The following KIAA0586 variants were observed in gnomAD, a reference collection of about 807,000 sequenced individuals.
KIAA0586 encodes protein TALPID3.
KIAA0586 carries 144 observed loss-of-function variants against 169.8 expected under a neutral mutation model. The ratio of observed to expected loss-of-function variants is 0.85; its 90% CI spans 0.74 to 0.97. The LOEUF (loss-of-function observed/expected upper bound fraction) is 0.97. Among genes scored for constraint, KIAA0586 ranks in the 50% least tolerant of loss-of-function variants. The pLI is 0.00. For missense variants in KIAA0586, 1,854 were observed against 1,823.0 expected (o/e 1.02, Z -0.31); for synonymous variants, 625 against 612.4 (o/e 1.02, Z -0.30).
chr14:58,536,931 C>A (rs2140068039), intron 29 of KIAA0586: 1 of 803,102 alleles, frequency 1.2e-6, no homozygotes, highest in Non-Finnish European at 1.7e-6. Flanking sequence ...GTTAATAGAA[C>A]TTTATAGATC....
chr14:58,545,024 C>T (rs917927339), intron 30 of KIAA0586, among the ~76,000 whole-genome samples: 1 of 152,228 alleles, frequency 6.6e-6, no homozygotes, highest in Non-Finnish European at 1.5e-5. Context: ...TTTATCTCCT[C>T]TACTAGGTGA....
rs538457735 is a variant in KIAA0586 at position 58,439,439 on chromosome 14, A to G, written c.411-3267A>G. Among the ~76,000 whole-genome samples, 4 of 152,176 alleles carry G rather than the reference A, an allele frequency of 2.6e-5. No individual in the cohort carries two copies. In the South Asian group the frequency reaches 8.3e-4, roughly 32 times the overall value. ...CCTGACCTCGTGATCCGCCCGCCTC[A>G]GCCTCCCAAAGTGCTGGGATTACAG... On this transcript the variant is annotated intron_variant, in intron 4 of 30. Coordinates refer to ENST00000652326, the MANE Select transcript of KIAA0586 (RefSeq NM_001329943.3).
chr14:58,455,928 T>C lies in KIAA0586; in HGVS notation c.1254-774T>C, dbSNP rs1595170195. On this transcript the variant is annotated intron_variant, in intron 9 of 30. Transcript: ENST00000652326. ...ATGTTGGAGCTTTTCAAAACTCCAC[T>C]TTGGACATTTCATTGCCTAGATTTT... 2.0e-5 allele frequency among the ~76,000 whole-genome samples: 3 copies of C among 152,312 alleles called. No homozygotes were observed. In the South Asian group the frequency reaches 6.2e-4, roughly 32 times the overall value.
At chr14:58,557,814 G>A in the KIAA0586 span, among the ~76,000 whole-genome samples, 3 of 150,276 alleles carry the variant, frequency 2.0e-5, no homozygotes, top group Admixed American at 2.0e-4. Flanking sequence ...CCTTCAGAGA[G>A]AGGAAGACTT....
chr14:58,531,183 C>T (rs1199000260), intron 29 of KIAA0586, among the ~76,000 whole-genome samples: 2 of 151,140 alleles, frequency 1.3e-5, no homozygotes, highest in Non-Finnish European at 1.5e-5. Flanking sequence ...AAAAATTAGC[C>T]GGGCATGGTG....
chr14:58,494,556 GT>G (rs1223176148), intron 26 of KIAA0586, among the ~76,000 whole-genome samples: 3 of 152,094 alleles, frequency 2.0e-5, no homozygotes, highest in African/African-American at 7.2e-5. Flanking sequence ...GTTTCAGAGA[GT>G]TAAAGAAGAG....
chr14:58,470,808 A>G (rs956407120), intron 17 of KIAA0586, 85 bp downstream of exon 17: 8 of 664,834 alleles, frequency 1.2e-5, no homozygotes, highest in Non-Finnish European at 1.8e-5. Context: ...GCCTTTTATC[A>G]TAATGATAAC....
chr14:58,528,610 T>A (rs1490087403), intron 29 of KIAA0586, among the ~76,000 whole-genome samples: 1 of 152,126 alleles, frequency 6.6e-6, no homozygotes, highest in Non-Finnish European at 1.5e-5. Flanking sequence ...GACTACTCGG[T>A]AAATAATGAA....
chr14:58,473,050 A>G (rs2041348576), intron 18 of KIAA0586, among the ~76,000 whole-genome samples: 1 of 150,594 alleles, frequency 6.6e-6, no homozygotes, highest in African/African-American at 2.4e-5. Flanking sequence ...TGTTTATGCA[A>G]TATACAAGCG....
At chr14:58,449,870 C>T (rs772153284) in intron 7 of KIAA0586, among the ~76,000 whole-genome samples, 6 of 151,962 alleles carry the variant, frequency 3.9e-5, no homozygotes, top group South Asian at 4.1e-4. Context: ...ATTACAGTAA[C>T]AAATAAAAGA....
intron 27 of KIAA0586, among the ~76,000 whole-genome samples, chr14:58,500,665 G>A (rs764366108): frequency 8.0e-5 from 12 of 150,106 alleles, no homozygotes; most frequent in Non-Finnish European, 1.5e-4. Context: ...AGGTTGCAGT[G>A]AGCCGAAATC....
intron 27 of KIAA0586, among the ~76,000 whole-genome samples, chr14:58,507,153 A>G (rs1274315231): frequency 1.8e-5 from 1 of 55,136 alleles, no homozygotes. Context: ...TGTCTTTAAA[A>G]AAAAAAAAAG....
intron 26 of KIAA0586, among the ~76,000 whole-genome samples, chr14:58,494,212 T>C (rs948527584): frequency 6.6e-6 from 1 of 152,004 alleles, no homozygotes; most frequent in Non-Finnish European, 1.5e-5. Context: ...TGTCTTTCTT[T>C]TCTTCTCCAT....
At chr14:58,473,524 T>C (rs2041381226) in intron 18 of KIAA0586, among the ~76,000 whole-genome samples, 1 of 152,198 alleles carries the variant, frequency 6.6e-6, no homozygotes, top group African/African-American at 2.4e-5. Context: ...ATGTAAATTA[T>C]AAGTTGTATA....
chr14:58,442,740 G>A lies in KIAA0586; in HGVS notation c.445G>A (p.Val149Ile). The change falls in exon 5 of 31, where the codon GTA becomes ATA. Residue 149 changes from valine to isoleucine, a missense_variant. By Grantham distance (29) the Val-to-Ile change is conservative. Transcript: ENST00000652326. ...QSMPVFKEVK[V>I]HLLEDAGIEK... ...CATGCCTGTTTTTAAGGAAGTAAAGGTACATCTGTTAGAAGATGCAGGCAT... is the reference window on the plus strand; with the variant it reads ...CATGCCTGTTTTTAAGGAAGTAAAGATACATCTGTTAGAAGATGCAGGCAT... 5 of 1,585,466 alleles carry A rather than the reference G, an allele frequency of 3.2e-6. No individual in the cohort carries two copies. Among genetic ancestry groups the A allele is most frequent in the Non-Finnish European group, 4.3e-6 (5 of 1,164,360 alleles).
At chr14:58,466,941 TAA>T (rs2040819394) in intron 15 of KIAA0586, among the ~76,000 whole-genome samples, 1 of 152,202 alleles carries the variant, frequency 6.6e-6, no homozygotes, top group African/African-American at 2.4e-5. Flanking sequence ...GTCTTCATGT[TAA>T]AAATTGAACA....
chr14:58,556,021 A>G (rs2140176311), downstream of KIAA0586, among the ~76,000 whole-genome samples: 1 of 152,356 alleles, frequency 6.6e-6, no homozygotes, highest in African/African-American at 2.4e-5. Context: ...TGAATAGCTT[A>G]TAATGCATTT....
rs191439887 is a variant in KIAA0586 at position 58,519,664 on chromosome 14, T to C, written c.4429+7037T>C. Among the ~76,000 whole-genome samples, 185 of 152,330 alleles carry C rather than the reference T, an allele frequency of 1.2e-3. 1 individual carries two copies. The highest frequency in any genetic ancestry group is 3.3e-3 in the African/African-American group (139 of 41,566). ...ATTTCCAGGACTGATTATTTAATATTCCAAAGAAAGTGATATATGGGATAG... is the reference window on the plus strand; with the variant it reads ...ATTTCCAGGACTGATTATTTAATATCCCAAAGAAAGTGATATATGGGATAG... On this transcript the variant is annotated intron_variant, in intron 29 of 30. Transcript: ENST00000652326.
intron 29 of KIAA0586, among the ~76,000 whole-genome samples, chr14:58,533,276 A>T (rs549072201): frequency 1.3e-5 from 2 of 152,358 alleles, no homozygotes; most frequent in African/African-American, 4.8e-5. Context: ...AGCTTAGCTT[A>T]TGTTCATAGC....
Sources: gnomAD v4.1 joint callset for allele counts (sites outside exome capture counted in the v4.1 genomes callset) on GRCh38, gnomAD v4.1.1 for gene constraint, MANE v1.5 for transcripts, NCBI Gene and HGNC (gene_info 2026-07-23, HGNC 2026-07-21) for gene names.